The following RYR2 variants were observed in gnomAD, a reference collection of about 807,000 sequenced individuals.
RYR2 encodes cardiac muscle ryanodine receptor-calcium release channel.
Under a neutral mutation model 601.1 loss-of-function variants are expected in RYR2, and 227 were observed. The ratio of observed to expected loss-of-function variants is 0.38; its 90% CI spans 0.34 to 0.42. The LOEUF (loss-of-function observed/expected upper bound fraction) is 0.42, where lower values mean the gene tolerates loss of function less well. RYR2 is among the 10% of genes least tolerant of loss of function. The pLI is 1.00. For missense variants in RYR2, 4,646 were observed against 6,156.5 expected, an observed-to-expected ratio of 0.75 and a Z score of 8.21; for synonymous variants, 2,223 against 2,175.1, an observed-to-expected ratio of 1.02 and a Z score of -0.61.
chr1:237,120,437 A>C (rs1670645415), intron 1 of RYR2, among the ~76,000 whole-genome samples: 1 of 152,206 alleles, frequency 6.6e-6, no homozygotes, highest in African/African-American at 2.4e-5. Context: ...AGCTGTTCTG[A>C]GTCTGAAAAG....
chr1:237,063,980 T>G (rs577679158), intron 1 of RYR2, among the ~76,000 whole-genome samples: 2 of 152,302 alleles, frequency 1.3e-5, no homozygotes, highest in South Asian at 4.1e-4. Flanking sequence ...TTCATTCTAT[T>G]TATCCTGCTT....
In RYR2 at chr1:237,806,258, C is replaced by T. The variant is rs749114634; in HGVS notation, c.14273C>T (p.Ser4758Phe). The T allele has an allele frequency of 6.2e-7, 1 of 1,613,532 alleles. No individual in the cohort carries two copies. Among genetic ancestry groups the T allele is most frequent in the South Asian group, 1.1e-5 (1 of 91,038 alleles). ...MGFKTLRTIL[S>F]SVTHNGKQLV... ...TTCAAGACATTAAGAACCATCTTGT[C>T]CTCAGTAACTCACAATGGCAAACAG... The change falls in exon 99 of 105, where the codon TCC (serine) becomes TTC (phenylalanine). Residue 4758 changes from serine to phenylalanine, a missense_variant. Around this residue, in one of 17 missense-constraint regions of RYR2, gnomAD observed 8 missense variants for 45.1 expected, o/e 0.18. Transcript: ENST00000366574.
In RYR2 at chr1:237,305,417, T is replaced by C. The variant is rs574962414; in HGVS notation, c.169-25461T>C. On this transcript the variant is annotated intron_variant, in intron 2 of 104. Coordinates refer to ENST00000366574, the MANE Select transcript of RYR2 (RefSeq NM_001035.3). ...TACATATTTTATGTTTCTAGTTATA[T>C]AAAGGGCAGAACTCAGCAAATTTTT... Among the ~76,000 whole-genome samples the C allele has an allele frequency of 3.9e-5, 6 of 152,304 alleles. No individual in the cohort carries two copies. The South Asian group carries it at 1.2e-3, about 32-fold the overall frequency.
At chr1:237,250,682 A>G (rs1185815597) in intron 1 of RYR2, among the ~76,000 whole-genome samples, 3 of 152,078 alleles carry the variant, frequency 2.0e-5, no homozygotes, top group Non-Finnish European at 4.4e-5. Context: ...ACTCCCAGCC[A>G]CTTTACCTTT....
At chr1:237,358,597 T>C (rs1268170180) in intron 4 of RYR2, among the ~76,000 whole-genome samples, 2 of 151,964 alleles carry the variant, frequency 1.3e-5, no homozygotes, top group African/African-American at 4.8e-5. Flanking sequence ...CACTAGCTGG[T>C]CAGTGGCAAT....
chr1:237,414,438 T>C (rs10754603), intron 10 of RYR2, among the ~76,000 whole-genome samples: 137,939 of 152,226 alleles, frequency 0.91, 62,733 homozygotes, highest in East Asian at 1. Context: ...TGTGGTCACT[T>C]AGAAACTCTG....
chr1:237,687,572 G>A, intron 63 of RYR2, 68 bp downstream of exon 63: 3 of 1,163,802 alleles, frequency 2.6e-6, no homozygotes, highest in Non-Finnish European at 2.6e-6. Flanking sequence ...TTTGCACTGT[G>A]TTGTGTGCTG....
Position 237,550,629 on chromosome 1 carries a change from G to T in RYR2, c.3152G>T (p.Arg1051Leu). 1 of 1,587,250 alleles carries T rather than the reference G, an allele frequency of 6.3e-7. No homozygotes were observed. The highest frequency in any genetic ancestry group is 8.6e-7 in the Non-Finnish European group (1 of 1,166,266). The change falls in exon 27 of 105, where the codon CGC becomes CTC. Residue 1051 changes from arginine (R) to leucine (L), a missense_variant. Physicochemically the swap from Arg to Leu is moderately radical, Grantham distance 102. This residue lies in a region of RYR2 where 1,807 missense variants were observed against 2,088.1 expected (regional missense o/e 0.87). Transcript: ENST00000366574. ...RTKKSNKDSL[R>L]EAVRTLLGYG... ...AAGAAATCCAACAAGGACAGCCTCC[G>T]CGAGGCTGTGCGCACGCTGCTGGGG...
At chr1:237,268,629 T>C (rs1689310151) in intron 1 of RYR2, among the ~76,000 whole-genome samples, 1 of 152,066 alleles carries the variant, frequency 6.6e-6, no homozygotes, top group Non-Finnish European at 1.5e-5. Context: ...ATATTGGTGC[T>C]ACCATATAGG....
intron 70 of RYR2, among the ~76,000 whole-genome samples, 165 bp downstream of exon 70, chr1:237,709,732 C>A (rs1688674266): frequency 6.6e-6 from 1 of 152,098 alleles, no homozygotes; most frequent in South Asian, 2.1e-4. Context: ...TTAAAAAAAT[C>A]ACAGGGATTT....
At chr1:237,196,167 C>A (rs1680540999) in intron 1 of RYR2, among the ~76,000 whole-genome samples, 1 of 152,100 alleles carries the variant, frequency 6.6e-6, no homozygotes, top group Non-Finnish European at 1.5e-5. Flanking sequence ...TTTTGGTAGG[C>A]TTTTCATGTT....
At chr1:237,676,916 A>G (rs1351904703) in intron 60 of RYR2, among the ~76,000 whole-genome samples, 3 of 152,182 alleles carry the variant, frequency 2.0e-5, no homozygotes, top group Non-Finnish European at 4.4e-5. Context: ...TTTTCTCTTG[A>G]CATAACTTCA....
At position 237,648,437 on chromosome 1, in the gene RYR2, C is replaced by T. The variant is rs1217421556; in HGVS notation, c.7343-7C>T. The T allele has an allele frequency of 6.3e-7, 1 of 1,597,660 alleles. No individual in the cohort carries two copies. The highest frequency in any genetic ancestry group is 2.2e-5 in the East Asian group (1 of 44,690). On this transcript the variant is annotated splice_polypyrimidine_tract_variant and splice_region_variant and intron_variant, in intron 48 of 104. Coordinates refer to ENST00000366574, the MANE Select transcript of RYR2 (RefSeq NM_001035.3). The stretch of plus-strand genomic sequence containing the variant: ...CATTGACACCAAAATTCACTTCTCT[C>T]TTTTAGATGGGAATGTGGTGGAACC...
At chr1:237,330,843 T>C in intron 2 of RYR2, 35 bp from the exon 3 acceptor site, 1 of 1,527,872 alleles carries the variant, frequency 6.5e-7, no homozygotes, top group Non-Finnish European at 9.1e-7. Flanking sequence ...TTGATGAAGA[T>C]GATGCTGCTG....
In RYR2 at chr1:237,788,126, G is replaced by T; in HGVS notation, c.13467G>T (p.Gln4489His). The change falls in exon 92 of 105, where the codon CAG becomes CAT. Residue 4489 changes from glutamine to histidine, a missense_variant. This residue lies in a region of RYR2 where 364 missense variants were observed against 442.9 expected (regional missense o/e 0.82). Coordinates refer to ENST00000366574, the MANE Select transcript of RYR2 (RefSeq NM_001035.3). ...AFWKKIIAYQ[Q>H]KLLNYFARNF... ...GGAAGAAAATCATAGCATATCAACA[G>T]AAACTTCTAGTAAGATGTTTTAGAA... The T allele has an allele frequency of 6.2e-7, 1 of 1,609,686 alleles. No homozygotes were observed. The highest frequency in any genetic ancestry group is 1.7e-5 in the Admixed American group (1 of 59,516).
At chr1:237,707,897 G>A (rs367584596) in intron 68 of RYR2, among the ~76,000 whole-genome samples, 6 of 150,914 alleles carry the variant, frequency 4.0e-5, no homozygotes, top group Admixed American at 6.6e-5. Context: ...TCAGCCTCCC[G>A]GGTAGCTAGG....
chr1:237,046,338 G>T (rs777746922), intron 1 of RYR2, among the ~76,000 whole-genome samples: 2 of 152,106 alleles, frequency 1.3e-5, no homozygotes, highest in Non-Finnish European at 2.9e-5. Flanking sequence ...AGGAGAGAAA[G>T]GCTTCTTTAT....
At chr1:237,827,912 G>C (rs1412266442) in intron 101 of RYR2, among the ~76,000 whole-genome samples, 1 of 128,714 alleles carries the variant, frequency 7.8e-6, no homozygotes, top group Non-Finnish European at 1.6e-5. Flanking sequence ...ACTCCAGCCT[G>C]GGTGACAGAA....
chr1:237,785,172 T>C (rs1558408912), intron 90 of RYR2, among the ~76,000 whole-genome samples, 200 bp downstream of exon 90: 1 of 152,212 alleles, frequency 6.6e-6, no homozygotes. Context: ...TAAACTATTA[T>C]GGTGTAAGCT....
Sources: gnomAD v4.1 joint callset for allele counts (sites outside exome capture counted in the v4.1 genomes callset) on GRCh38, gnomAD v4.1.1 for gene constraint, gnomAD v4.1.1 regional missense constraint, MANE v1.5 for transcripts, NCBI Gene and HGNC (gene_info 2026-07-23, HGNC 2026-07-21) for gene names.